The following FIRRM variants were observed in gnomAD, a reference collection of about 807,000 sequenced individuals.
FIRRM encodes the protein FIGNL1 interacting regulator of recombination and mitosis.
chr1:169,801,094 G>T, the FIRRM span: 1 of 554,486 alleles, frequency 1.8e-6, no homozygotes, highest in Non-Finnish European at 3.2e-6. Flanking sequence ...AAAATAAGGA[G>T]TAAGTAGATC....
At chr1:169,837,697 C>T in the FIRRM span, among the ~76,000 whole-genome samples, 9 of 152,108 alleles carry the variant, frequency 5.9e-5, no homozygotes, top group African/African-American at 2.2e-4. Context: ...ATTGGGGGTA[C>T]ATCGGGAACC....
chr1:169,821,831 C>A, the FIRRM span: 1 of 1,003,612 alleles, frequency 1.0e-6, no homozygotes, highest in Non-Finnish European at 1.5e-6. Flanking sequence ...CCCTATTCCA[C>A]AGAATAGAAA....
chr1:169,786,778 T>C, the FIRRM span, among the ~76,000 whole-genome samples: 1 of 152,192 alleles, frequency 6.6e-6, no homozygotes, highest in Non-Finnish European at 1.5e-5. Context: ...TCTTTTCCTA[T>C]TTATCTCTTT....
At chr1:169,799,048 T>C in the FIRRM span, 85 of 480,070 alleles carry the variant, frequency 1.8e-4, no homozygotes, top group Non-Finnish European at 9.9e-5. Flanking sequence ...TACAGTTTTG[T>C]ATTCCCTTGA....
chr1:169,817,675 C>G, the FIRRM span, among the ~76,000 whole-genome samples: 1 of 152,176 alleles, frequency 6.6e-6, no homozygotes, highest in African/African-American at 2.4e-5. Flanking sequence ...ATAGACAAAT[C>G]TATCTAATTT....
chr1:169,798,510 G>A, the FIRRM span, among the ~76,000 whole-genome samples: 13 of 151,718 alleles, frequency 8.6e-5, 2 homozygotes. Context: ...CCTCTTGTTC[G>A]CCCATCTAGG....
At chr1:169,850,653 G>A in the FIRRM span, 14 of 212,022 alleles carry the variant, frequency 6.6e-5, no homozygotes, top group South Asian at 8.5e-4. Context: ...AAAATTAGCC[G>A]GGCATGGTGG....
the FIRRM span, chr1:169,847,880 C>A: frequency 3.0e-6 from 3 of 1,001,992 alleles, no homozygotes; most frequent in Non-Finnish European, 2.9e-6. Flanking sequence ...GATTTTTAGG[C>A]TTTTTCTGAA....
the FIRRM span, among the ~76,000 whole-genome samples, chr1:169,797,860 A>C: frequency 1.3e-5 from 2 of 152,094 alleles, no homozygotes; most frequent in Non-Finnish European, 2.9e-5. Context: ...CATTTTTCTT[A>C]TTAACATTCT....
chr1:169,804,019 T>C, the FIRRM span: 117,143 of 1,200,438 alleles, frequency 0.098, 6,522 homozygotes, highest in Admixed American at 0.24. Flanking sequence ...TTAAAGTAAA[T>C]TTGGCTCTTG....
chr1:169,820,328 C>T, the FIRRM span, among the ~76,000 whole-genome samples: 47 of 152,164 alleles, frequency 3.1e-4, no homozygotes, highest in African/African-American at 1.1e-3. Flanking sequence ...AGTGAAGGGA[C>T]CTTTTTCAGC....
At chr1:169,828,205 T>C in the FIRRM span, among the ~76,000 whole-genome samples, 2 of 152,178 alleles carry the variant, frequency 1.3e-5, no homozygotes, top group African/African-American at 4.8e-5. Context: ...TTTAATCATC[T>C]TCCTTGCCAA....
At chr1:169,812,010 CCTT>C in the FIRRM span, among the ~76,000 whole-genome samples, 1 of 152,142 alleles carries the variant, frequency 6.6e-6, no homozygotes, top group Non-Finnish European at 1.5e-5. Flanking sequence ...ATTACCCACA[CCTT>C]CTTTGTTGGC....
At chr1:169,793,838 A>C in the FIRRM span, 5 of 600,846 alleles carry the variant, frequency 8.3e-6, no homozygotes, top group Non-Finnish European at 1.3e-5. Context: ...ATGGTAACAA[A>C]TATTTAGAGA....
chr1:169,803,172 A>G, the FIRRM span: 16 of 1,613,128 alleles, frequency 9.9e-6, no homozygotes, highest in Admixed American at 6.7e-5. Flanking sequence ...TTCACAGACA[A>G]TGGTGCAGCT....
At chr1:169,819,951 A>G in the FIRRM span, among the ~76,000 whole-genome samples, 1 of 152,160 alleles carries the variant, frequency 6.6e-6, no homozygotes, top group Non-Finnish European at 1.5e-5. Flanking sequence ...GGCAATTTCC[A>G]TTGTTCTTTC....
chr1:169,824,807 G>A, the FIRRM span, among the ~76,000 whole-genome samples: 1 of 152,090 alleles, frequency 6.6e-6, no homozygotes, highest in African/African-American at 2.4e-5. Context: ...TCTAAGTTAA[G>A]TGTGTCCCAG....
At chr1:169,826,204 C>A in the FIRRM span, 1 of 176,342 alleles carries the variant, frequency 5.7e-6, no homozygotes, top group Non-Finnish European at 1.2e-5. Flanking sequence ...TCCCAAGTAG[C>A]TGGGATTACA....
chr1:169,789,178 T>C, the FIRRM span, among the ~76,000 whole-genome samples: 1 of 152,138 alleles, frequency 6.6e-6, no homozygotes, highest in Admixed American at 6.5e-5. Context: ...ATAACCATGG[T>C]ATAAAAAATT....
Sources: allele counts gnomAD v4.1 joint callset (sites outside exome capture counted in the v4.1 genomes callset), GRCh38; gene constraint gnomAD v4.1.1; transcripts MANE v1.5; gene names NCBI Gene and HGNC (gene_info 2026-07-23, HGNC 2026-07-21).